CACNG3: variants seen among roughly 807,000 people sequenced by gnomAD.
CACNG3 encodes calcium voltage-gated channel auxiliary subunit gamma 3.
A neutral mutation model predicts 28.5 loss-of-function variants in CACNG3; 3 were observed. That is an observed-to-expected ratio of 0.11 (90% confidence interval 0.05 to 0.27). CACNG3 has a LOEUF of 0.27. Ranked by LOEUF, CACNG3 falls within the 10% of genes least tolerant of loss-of-function variation. CACNG3 has a pLI of 1.00. For synonymous variants in CACNG3, 174 were observed against 162.2 expected (o/e 1.07, Z -0.55); for missense variants, 236 against 414.4 (o/e 0.57, Z 3.74).
At position 24,256,937 on chromosome 16, in the gene CACNG3, G is replaced by A. The variant is rs1345072047; in HGVS notation, c.183G>A (p.Ser61=). The A allele has an allele frequency of 6.2e-7, 1 of 1,613,448 alleles. No homozygotes were observed. Among genetic ancestry groups the A allele is most frequent in the Non-Finnish European group, 8.5e-7 (1 of 1,179,350 alleles). Residue 61 remains serine (S), a synonymous_variant, in exon 1 of 4, where the codon TCG becomes TCA. Transcript: ENST00000005284. The surrounding 1 kb of genome is among the most constrained non-coding windows in gnomAD (Gnocchi z 4.6). ...SRKNEEVMTH[S]GLWRTCCLEG... Reference sequence around the variant, plus strand: ...AGAATGAAGAAGTAATGACCCATTCGGGGCTGTGGAGGACCTGCTGCCTAG... The same window carrying A: ...AGAATGAAGAAGTAATGACCCATTCAGGGCTGTGGAGGACCTGCTGCCTAG...
At chr16:24,269,030 T>C (rs1438191583) in intron 1 of CACNG3, among the ~76,000 whole-genome samples, 1 of 152,144 alleles carries the variant, frequency 6.6e-6, no homozygotes. Context: ...AATAGACAAA[T>C]GTACCAGCAG....
chr16:24,267,669 CATTT>C (rs112385231), intron 1 of CACNG3, among the ~76,000 whole-genome samples: 7 of 151,818 alleles, frequency 4.6e-5, no homozygotes, highest in South Asian at 2.1e-4. Flanking sequence ...ATTGTGCATT[CATTT>C]GTTTGTTTGT....
chr16:24,324,792 C>T (rs736485), intron 1 of CACNG3, among the ~76,000 whole-genome samples: 45,140 of 151,950 alleles, frequency 0.3, 6,971 homozygotes, highest in South Asian at 0.42. Flanking sequence ...TCTTCTGTTC[C>T]TCCATGCCCC....
intron 1 of CACNG3, among the ~76,000 whole-genome samples, chr16:24,312,826 G>T (rs951116424): frequency 2.0e-5 from 3 of 150,478 alleles, no homozygotes; most frequent in Non-Finnish European, 3.0e-5. Context: ...CTGAAAAAAG[G>T]CAGGGCAGAG....
Position 24,257,371 on chromosome 16 carries a change from GAGAGAGA to G in CACNG3, c.211+407_211+413del, listed in dbSNP as rs1898475866. ...ACAAGAGGAAAGAAGTGAGGGGGGAGAGAGAGAGAGAGAGAGAGAGAGAGAGAGAGAG... is the reference window on the plus strand; with the variant it reads ...ACAAGAGGAAAGAAGTGAGGGGGGAGGAGAGAGAGAGAGAGAGAGAGAGAG... On this transcript the variant is annotated intron_variant, in intron 1 of 3. Transcript: ENST00000005284. Among the ~76,000 whole-genome samples, 42 of 8,794 alleles carry G rather than the reference GAGAGAGA, an allele frequency of 4.8e-3. 1 individual carries two copies. The highest frequency in any genetic ancestry group is 9.8e-3 in the African/African-American group (20 of 2,048). The allele number at this position is 8,794 out of a possible 152,430, so 5.8% of individuals were successfully genotyped here. A position where few individuals can be genotyped will look rare whatever the true frequency, so the allele number is the denominator to read the frequency against.
chr16:24,287,110 C>T (rs1458767569), intron 1 of CACNG3, among the ~76,000 whole-genome samples: 2 of 152,262 alleles, frequency 1.3e-5, no homozygotes, highest in African/African-American at 2.4e-5. Context: ...CTCTCTCCCA[C>T]TCTCTTTCTC....
chr16:24,350,243 C>T lies in CACNG3; in HGVS notation c.295+3426C>T, dbSNP rs570575961. 9.2e-5 allele frequency among the ~76,000 whole-genome samples: 14 copies of T among 152,272 alleles called. No individual in the cohort carries two copies. In the South Asian group the frequency reaches 2.9e-3, roughly 32 times the overall value. On this transcript the variant is annotated intron_variant, in intron 2 of 3. Transcript: ENST00000005284. Reference sequence around the variant, plus strand: ...GAGTGGGGTCTCCCCACCAATGGTTCCCAAATGATGATTGCACCACTTGGG... The same window carrying T: ...GAGTGGGGTCTCCCCACCAATGGTTTCCAAATGATGATTGCACCACTTGGG...
intron 1 of CACNG3, among the ~76,000 whole-genome samples, chr16:24,257,966 C>G (rs2238497): frequency 0.26 from 40,211 of 152,032 alleles, 5,476 homozygotes; most frequent in Admixed American, 0.35. Flanking sequence ...AATCAAAGCT[C>G]TTTGGAGCCT....
At chr16:24,257,536 C>T (rs1898483227) in intron 1 of CACNG3, among the ~76,000 whole-genome samples, 1 of 152,008 alleles carries the variant, frequency 6.6e-6, no homozygotes, top group Non-Finnish European at 1.5e-5. Context: ...ACTTCCACTG[C>T]CAATCAGTAA....
At chr16:24,336,476 C>T (rs1030201118) in intron 1 of CACNG3, among the ~76,000 whole-genome samples, 3 of 151,846 alleles carry the variant, frequency 2.0e-5, no homozygotes, top group East Asian at 2.0e-4. Context: ...GGGGTTTCAC[C>T]GTGTCAGCCA....
At chr16:24,357,006 G>A (rs1005499017) in intron 3 of CACNG3, among the ~76,000 whole-genome samples, 3 of 152,078 alleles carry the variant, frequency 2.0e-5, no homozygotes, top group African/African-American at 7.2e-5. Context: ...GAAGGCTGAG[G>A]CGGGTGGATC....
chr16:24,334,391 A>G (rs75427747), intron 1 of CACNG3, among the ~76,000 whole-genome samples: 12,932 of 152,220 alleles, frequency 0.085, 766 homozygotes, highest in Non-Finnish European at 0.11. Context: ...CTCTGAGCAC[A>G]TCATGACTGT....
In CACNG3 at chr16:24,354,901, G is replaced by T. The variant is rs199880368; in HGVS notation, c.364G>T (p.Val122Leu). The T allele has an allele frequency of 6.2e-7, 1 of 1,612,438 alleles. No individual in the cohort carries two copies. ...GCTGCTGTTCTTCGGCGGGCTCTGC[G>T]TGGCAGCCAGTGAGTTCCACCGCAG... ...VTLLFFGGLC[V>L]AASEFHRSRH... Residue 122 changes from valine to leucine, a missense_variant, in exon 3 of 4, where the codon GTG becomes TTG. Coordinates refer to ENST00000005284, the MANE Select transcript of CACNG3 (RefSeq NM_006539.4).
intron 1 of CACNG3, among the ~76,000 whole-genome samples, chr16:24,342,199 T>C (rs972077847): frequency 2.6e-5 from 4 of 151,886 alleles, no homozygotes; most frequent in Admixed American, 2.6e-4. Flanking sequence ...ACCCAGGAGG[T>C]GGAGGTTGCA....
At chr16:24,285,991 A>G (rs1898889010) in intron 1 of CACNG3, among the ~76,000 whole-genome samples, 1 of 151,908 alleles carries the variant, frequency 6.6e-6, no homozygotes, top group Non-Finnish European at 1.5e-5. Context: ...CCACAGGCGC[A>G]TGCCACCACA....
chr16:24,304,448 C>T (rs1899157479), intron 1 of CACNG3, among the ~76,000 whole-genome samples: 1 of 152,104 alleles, frequency 6.6e-6, no homozygotes, highest in Non-Finnish European at 1.5e-5. Flanking sequence ...ATACCTCTGC[C>T]TAACCAGCGT....
At chr16:24,287,827 G>A (rs901743192) in intron 1 of CACNG3, among the ~76,000 whole-genome samples, 19 of 152,176 alleles carry the variant, frequency 1.2e-4, no homozygotes, top group African/African-American at 4.1e-4. Flanking sequence ...TAAGATTGAG[G>A]CCAGGTACAG....
chr16:24,291,077 G>T (rs1486474676), intron 1 of CACNG3, among the ~76,000 whole-genome samples: 2 of 152,176 alleles, frequency 1.3e-5, no homozygotes, highest in African/African-American at 2.4e-5. Flanking sequence ...ACTCTCCTGG[G>T]ATGCACATTC....
chr16:24,332,584 G>T (rs890843427), intron 1 of CACNG3, among the ~76,000 whole-genome samples: 1 of 152,064 alleles, frequency 6.6e-6, no homozygotes, highest in Admixed American at 6.6e-5. Context: ...TATTAGAAGC[G>T]GTAATTTGTA....
Sources: allele counts gnomAD v4.1 joint callset (sites outside exome capture counted in the v4.1 genomes callset), GRCh38; gene constraint gnomAD v4.1.1; non-coding constraint Gnocchi (gnomAD v3.1); transcripts MANE v1.5; gene names NCBI Gene and HGNC (gene_info 2026-07-23, HGNC 2026-07-21).